Variants in CCAR1 observed in about 807,000 individuals in gnomAD.
The protein encoded by CCAR1 is cell division cycle and apoptosis regulator 1.
A neutral mutation model predicts 163.8 loss-of-function variants in CCAR1; 78 were observed. That is an observed-to-expected ratio of 0.48 (90% CI 0.40 to 0.57). The LOEUF (loss-of-function observed/expected upper bound fraction) is 0.57. Among genes scored for constraint, CCAR1 ranks in the 20% least tolerant of loss-of-function variants. CCAR1 has a pLI of 0.00. For synonymous variants in CCAR1, 443 were observed against 460.7 expected, an observed-to-expected ratio of 0.96 and a Z score of 0.49; for missense variants, 1,019 against 1,365.2, an observed-to-expected ratio of 0.75 and a Z score of 4.00.
intron 2 of CCAR1, among the ~76,000 whole-genome samples, chr10:68,727,737 G>T (rs917341611): frequency 6.6e-6 from 1 of 152,158 alleles, no homozygotes; most frequent in African/African-American, 2.4e-5. Flanking sequence ...GTAAAGAGAC[G>T]TTGAGAGAAA....
chr10:68,772,890 C>T (rs1447761381), intron 18 of CCAR1, 98 bp from the exon 19 acceptor site: 11 of 539,502 alleles, frequency 2.0e-5, no homozygotes, highest in South Asian at 1.9e-4. Flanking sequence ...GCCAGTGGAT[C>T]GCTTGAGCCC....
At chr10:68,783,732 C>G (rs1230328568) in intron 19 of CCAR1, among the ~76,000 whole-genome samples, 1 of 151,426 alleles carries the variant, frequency 6.6e-6, no homozygotes, top group Non-Finnish European at 1.5e-5. Context: ...GCTGCAATAT[C>G]AGGATAAACT....
intron 2 of CCAR1, among the ~76,000 whole-genome samples, chr10:68,723,865 A>G (rs2055899111): frequency 6.8e-6 from 1 of 146,532 alleles, no homozygotes; most frequent in Non-Finnish European, 1.5e-5. Context: ...AAAAAAAAAA[A>G]AGGTAAATTT....
At chr10:68,764,307 C>G (rs1465614668) in intron 16 of CCAR1, among the ~76,000 whole-genome samples, 2 of 151,728 alleles carry the variant, frequency 1.3e-5, no homozygotes, top group Non-Finnish European at 2.9e-5. Flanking sequence ...AGACATTAAC[C>G]TTCCTTGAAA....
intron 18 of CCAR1, 139 bp from the exon 19 acceptor site, chr10:68,772,849 G>A (rs537877237): frequency 8.8e-5 from 28 of 319,428 alleles, no homozygotes; most frequent in Non-Finnish European, 1.4e-4. Context: ...GGTGGCTCAC[G>A]CCTATAATCC....
chr10:68,744,834 T>C (rs1219798738), intron 6 of CCAR1, among the ~76,000 whole-genome samples: 4 of 139,576 alleles, frequency 2.9e-5, no homozygotes, highest in African/African-American at 1.0e-4. Flanking sequence ...TACTTAACTC[T>C]TTTTTTTTTT....
chr10:68,771,185 C>A, intron 17 of CCAR1, 21 bp from the exon 18 acceptor site: 2 of 1,564,054 alleles, frequency 1.3e-6, no homozygotes, highest in South Asian at 2.4e-5. Context: ...TGGCTAGGTT[C>A]ATGTTGATAT....
At chr10:68,762,365 A>C (rs1028867905) in intron 16 of CCAR1, among the ~76,000 whole-genome samples, 3 of 144,130 alleles carry the variant, frequency 2.1e-5, no homozygotes, top group Non-Finnish European at 4.6e-5. Context: ...CAAAAAAAAA[A>C]CAGTTCTAGG....
intron 5 of CCAR1, among the ~76,000 whole-genome samples, chr10:68,740,883 T>TTTTATTTATTTA (rs754473259): frequency 7.6e-5 from 11 of 144,820 alleles, no homozygotes; most frequent in Non-Finnish European, 1.1e-4. Flanking sequence ...TGAGGTTTTA[T>TTTTATTTATTTA]TTTATTTATT....
intron 2 of CCAR1, among the ~76,000 whole-genome samples, chr10:68,729,254 TGTTTTTTTGG>T (rs1224679805): frequency 6.6e-6 from 1 of 151,684 alleles, no homozygotes; most frequent in Non-Finnish European, 1.5e-5. Flanking sequence ...TACTCTTTTT[TGTTTTTTTGG>T]GTTTTTTTGG....
intron 4 of CCAR1, among the ~76,000 whole-genome samples, chr10:68,739,357 G>A (rs926638210): frequency 2.6e-5 from 4 of 151,994 alleles, no homozygotes; most frequent in Admixed American, 6.6e-5. Context: ...CACCATGTTG[G>A]CCAAGCTGGT....
chr10:68,764,492 A>G (rs1456012657), intron 16 of CCAR1, among the ~76,000 whole-genome samples: 1 of 151,934 alleles, frequency 6.6e-6, no homozygotes, highest in Non-Finnish European at 1.5e-5. Flanking sequence ...CTATGATCAC[A>G]CCACTACTCT....
At chr10:68,789,667 A>G (rs764702232) in intron 23 of CCAR1, 43 bp from the exon 24 acceptor site, 1 of 1,188,104 alleles carries the variant, frequency 8.4e-7, no homozygotes, top group Non-Finnish European at 1.2e-6. Flanking sequence ...TAAATTTGAA[A>G]TTTTAGGAAG....
Position 68,742,514 on chromosome 10 carries a change from A to G in CCAR1, c.463A>G (p.Thr155Ala). ...GCAGCGTGTTTTCACAGGGGTGGTTACAAAACTACATGATACGTTTGGATT... is the reference window on the plus strand; with the variant it reads ...GCAGCGTGTTTTCACAGGGGTGGTTGCAAAACTACATGATACGTTTGGATT... ...QKQRVFTGVVTKLHDTFGFVD... is the reference protein window; with the variant it reads ...QKQRVFTGVVAKLHDTFGFVD... The change falls in exon 6 of 25, where the codon ACA becomes GCA. Residue 155 changes from threonine to alanine, a missense_variant. Transcript: ENST00000265872. The G allele has an allele frequency of 6.2e-7, 1 of 1,614,200 alleles. No homozygotes were observed. Among genetic ancestry groups the G allele is most frequent in the Non-Finnish European group, 8.5e-7 (1 of 1,180,010 alleles).
intron 2 of CCAR1, among the ~76,000 whole-genome samples, chr10:68,730,718 G>T (rs558003608): frequency 6.6e-6 from 1 of 152,010 alleles, no homozygotes; most frequent in African/African-American, 2.4e-5. Context: ...TTGAGACAGG[G>T]CCTCACTTTG....
In CCAR1 at chr10:68,767,538, C is replaced by CA. The variant is rs529574391; in HGVS notation, c.2298+1460dup. Among the ~76,000 whole-genome samples the CA allele has an allele frequency of 9.2e-5, 14 of 152,246 alleles. No homozygotes were observed. The South Asian group carries it at 2.9e-3, about 32-fold the overall frequency. On this transcript the variant is annotated intron_variant, in intron 17 of 24. Transcript: ENST00000265872. The stretch of plus-strand genomic sequence containing the variant: ...TGAGATTACAGGCGTGAGCCAACTG[C>CA]ACCCGGCCTATTTATTTATTTATTG...
chr10:68,753,134 T>C (rs1046692971), intron 10 of CCAR1, among the ~76,000 whole-genome samples: 4 of 51,836 alleles, frequency 7.7e-5, no homozygotes, highest in Non-Finnish European at 1.2e-4. Flanking sequence ...TTAACAGACA[T>C]CTCTTAGCCT....
rs748144140 is a variant in CCAR1 at position 68,788,001 on chromosome 10, TGAA to T, written c.2958_2960del (p.Glu987del). On this transcript the variant is annotated inframe_deletion, in exon 22 of 25. Transcript: ENST00000265872. ...GGAAATTAACAGACACCTCAAAAGA[TGAA>T]GAGAACCATGAAGAGTCTGAGTCAT... The T allele has an allele frequency of 6.2e-7, 1 of 1,612,920 alleles. No individual in the cohort carries two copies. Among genetic ancestry groups the T allele is most frequent in the East Asian group, 2.2e-5 (1 of 44,822 alleles).
In CCAR1 at chr10:68,766,211, G is replaced by GT. The variant is rs895062708; in HGVS notation, c.2298+141dup. ...GTTTTTTTTGTTTTGTTTTGTTTTTGTTTTTTTTTGAGACAGAGTTTCACT... is the reference window on the plus strand; with the variant it reads ...GTTTTTTTTGTTTTGTTTTGTTTTTGTTTTTTTTTTGAGACAGAGTTTCACT... On this transcript the variant is annotated intron_variant, in intron 17 of 24. Transcript: ENST00000265872. 2,421 of 600,296 alleles carry GT rather than the reference G, an allele frequency of 4.0e-3. 2 individuals are homozygous for GT. The highest frequency in any genetic ancestry group is 5.3e-3 in the South Asian group (218 of 41,324). The allele number at this position is 600,296 out of a possible 1,614,324, so 37.2% of individuals were successfully genotyped here.
Sources: allele counts gnomAD v4.1 joint callset (sites outside exome capture counted in the v4.1 genomes callset), GRCh38; gene constraint gnomAD v4.1.1; transcripts MANE v1.5; gene names NCBI Gene and HGNC (gene_info 2026-07-23, HGNC 2026-07-21).